MAN1A1: variants seen among roughly 807,000 people sequenced by gnomAD.
The protein encoded by MAN1A1 is mannosidase alpha class 1A member 1.
MAN1A1 carries 29 observed loss-of-function variants against 70.8 expected under a neutral mutation model. The observed-to-expected ratio is 0.41, with a 90% CI of 0.31 to 0.56. The LOEUF is 0.56. Among genes scored for constraint, MAN1A1 ranks in the 20% least tolerant of loss-of-function variants. The probability of loss-of-function intolerance (pLI) is 0.29; values close to 1 mark genes in which losing one functional copy is unlikely to be tolerated. For synonymous variants in MAN1A1, 349 were observed against 330.1 expected, an observed-to-expected ratio of 1.06 and a Z score of -0.62; for missense variants, 747 against 841.3, an observed-to-expected ratio of 0.89 and a Z score of 1.39.
intron 2 of MAN1A1, among the ~76,000 whole-genome samples, chr6:119,321,166 T>C (rs996337075): frequency 3.9e-5 from 6 of 152,226 alleles, no homozygotes; most frequent in Admixed American, 3.3e-4. Context: ...TGAAATCTTA[T>C]TTAAAATAGG....
chr6:119,228,769 T>C (rs952926509), intron 6 of MAN1A1, among the ~76,000 whole-genome samples: 2 of 152,160 alleles, frequency 1.3e-5, no homozygotes, highest in Admixed American at 1.3e-4. Context: ...GTTATAATTA[T>C]AGTATGTCAA....
rs187793833 is a variant in MAN1A1, at chr6:119,259,390, G to A, written c.898-11036C>T. 5.5e-4 allele frequency among the ~76,000 whole-genome samples: 84 copies of A among 152,290 alleles called. 1 individual carries two copies. Among genetic ancestry groups the A allele is most frequent in the African/African-American group, 1.9e-3 (81 of 41,582 alleles). Reference sequence around the variant, plus strand: ...AAAGAGCAATTAATTACCATATTATGTAGTAGTAATAGTTTGCAAATTTAC... The same window carrying A: ...AAAGAGCAATTAATTACCATATTATATAGTAGTAATAGTTTGCAAATTTAC... On this transcript the variant is annotated intron_variant, in intron 5 of 12. Transcript: ENST00000368468.
chr6:119,286,943 A>G (rs1270147616), intron 5 of MAN1A1, among the ~76,000 whole-genome samples: 1 of 152,008 alleles, frequency 6.6e-6, no homozygotes, highest in Non-Finnish European at 1.5e-5. Context: ...TACACGTCCT[A>G]TCTCCCTACT....
intron 2 of MAN1A1, among the ~76,000 whole-genome samples, chr6:119,313,024 T>G (rs7767198): frequency 0.33 from 50,543 of 152,016 alleles, 8,890 homozygotes; most frequent in Non-Finnish European, 0.36. Flanking sequence ...CTCAGAGTCC[T>G]CCTAGGCTTC....
chr6:119,263,918 C>T (rs541063984), intron 5 of MAN1A1, among the ~76,000 whole-genome samples: 2 of 152,290 alleles, frequency 1.3e-5, no homozygotes, highest in South Asian at 4.1e-4. Context: ...TGTAAGACTT[C>T]AAGAAGAAGC....
intron 6 of MAN1A1, among the ~76,000 whole-genome samples, chr6:119,239,158 G>A (rs960646699): frequency 3.9e-5 from 6 of 152,242 alleles, no homozygotes; most frequent in Non-Finnish European, 7.4e-5. Context: ...GATTACAGGC[G>A]TGAGCCACCG....
intron 6 of MAN1A1, among the ~76,000 whole-genome samples, chr6:119,229,700 T>A (rs998566913): frequency 3.3e-5 from 5 of 152,122 alleles, no homozygotes; most frequent in African/African-American, 1.2e-4. Flanking sequence ...ACAGTGCTAA[T>A]CCCTCTGTCA....
At chr6:119,296,053 C>T (rs1772207863) in intron 4 of MAN1A1, among the ~76,000 whole-genome samples, 1 of 152,150 alleles carries the variant, frequency 6.6e-6, no homozygotes, top group South Asian at 2.1e-4. Flanking sequence ...ATAAATGATA[C>T]TTCAAAGTGT....
chr6:119,264,072 C>A (rs1775684322), intron 5 of MAN1A1, among the ~76,000 whole-genome samples: 1 of 152,170 alleles, frequency 6.6e-6, no homozygotes, highest in South Asian at 2.1e-4. Context: ...GAATTCTGCT[C>A]ATTGTAGAGA....
At chr6:119,192,436 G>A (rs1008312510) in intron 9 of MAN1A1, among the ~76,000 whole-genome samples, 25 of 152,144 alleles carry the variant, frequency 1.6e-4, no homozygotes, top group Non-Finnish European at 7.4e-5. Flanking sequence ...GTTCCTACAT[G>A]TGAAGTAGTG....
At chr6:119,277,747 T>A (rs1029355155) in intron 5 of MAN1A1, among the ~76,000 whole-genome samples, 1 of 151,638 alleles carries the variant, frequency 6.6e-6, no homozygotes, top group Non-Finnish European at 1.5e-5. Flanking sequence ...CCATCCTGGT[T>A]AACACGGGGA....
chr6:119,251,627 A>G (rs1775319901), intron 5 of MAN1A1, among the ~76,000 whole-genome samples: 1 of 152,236 alleles, frequency 6.6e-6, no homozygotes, highest in Non-Finnish European at 1.5e-5. Flanking sequence ...AGAAGGCAAG[A>G]GAGAGATCTC....
chr6:119,242,263 C>T (rs1185138781), intron 6 of MAN1A1, among the ~76,000 whole-genome samples: 1 of 152,092 alleles, frequency 6.6e-6, no homozygotes, highest in Non-Finnish European at 1.5e-5. Context: ...CTGAACAGTT[C>T]TAGTTTTTAG....
At chr6:119,190,372 T>C (rs1472583329) in intron 9 of MAN1A1, among the ~76,000 whole-genome samples, 1 of 152,012 alleles carries the variant, frequency 6.6e-6, no homozygotes. Flanking sequence ...AAAGAGGAGG[T>C]GTTCTGGGGC....
At chr6:119,220,332 A>T (rs1408781705) in intron 6 of MAN1A1, among the ~76,000 whole-genome samples, 1 of 129,006 alleles carries the variant, frequency 7.8e-6, no homozygotes, top group Non-Finnish European at 1.8e-5. Context: ...AATTTATTTT[A>T]CTTGGTGAGT....
At position 119,349,132 on chromosome 6, in the gene MAN1A1, C is replaced by A; in HGVS notation, c.-67G>T. 1 of 1,257,674 alleles carries A rather than the reference C, an allele frequency of 8.0e-7. No homozygotes were observed. The highest frequency in any genetic ancestry group is 3.1e-5 in the South Asian group (1 of 32,216). The allele number at this position is 1,257,674 out of a possible 1,614,324, so 77.9% of individuals were successfully genotyped here. A position where few individuals can be genotyped will look rare whatever the true frequency, so the allele number is the denominator to read the frequency against. On this transcript the variant is annotated 5_prime_UTR_variant, in exon 2 of 13. Coordinates refer to ENST00000368468, the MANE Select transcript of MAN1A1 (RefSeq NM_005907.4). ...GCCAAACTTCGCCGCCGCTGGGAGTCCGCGGCTGCGGGGCTGGGTCCTGCG... is the reference window on the plus strand; with the variant it reads ...GCCAAACTTCGCCGCCGCTGGGAGTACGCGGCTGCGGGGCTGGGTCCTGCG...
chr6:119,204,919 A>G (rs779618808), intron 6 of MAN1A1, 37 bp from the exon 7 acceptor site: 1 of 1,602,210 alleles, frequency 6.2e-7, no homozygotes, highest in Admixed American at 1.7e-5. Context: ...TATGGGTCAG[A>G]TTAACTCCGT....
intron 5 of MAN1A1, among the ~76,000 whole-genome samples, chr6:119,286,830 T>C (rs1034386857): frequency 1.3e-5 from 2 of 152,144 alleles, no homozygotes; most frequent in Non-Finnish European, 2.9e-5. Flanking sequence ...TCAGATTACA[T>C]TTTTTCAGGT....
At chr6:119,234,994 T>C (rs1409989128) in intron 6 of MAN1A1, among the ~76,000 whole-genome samples, 3 of 152,158 alleles carry the variant, frequency 2.0e-5, no homozygotes, top group Non-Finnish European at 1.5e-5. Flanking sequence ...CAATTCTAAG[T>C]GTTTTAGGGT....
Sources: gnomAD v4.1 joint callset for allele counts (sites outside exome capture counted in the v4.1 genomes callset) on GRCh38, gnomAD v4.1.1 for gene constraint, MANE v1.5 for transcripts, NCBI Gene and HGNC (gene_info 2026-07-23, HGNC 2026-07-21) for gene names.